Variants in NOVA1 observed in about 807,000 individuals in gnomAD.
NOVA1 encodes the protein NOVA alternative splicing regulator 1.
In NOVA1, 7 loss-of-function variants were observed where a neutral mutation model predicts 38.0. The ratio of observed to expected loss-of-function variants is 0.18; its 90% confidence interval spans 0.10 to 0.35. NOVA1 has a LOEUF of 0.35. Among genes scored for constraint, NOVA1 ranks in the 10% least tolerant of loss-of-function variants. The pLI is 1.00. For synonymous variants in NOVA1, 270 were observed against 232.5 expected, an observed-to-expected ratio of 1.16 and a Z score of -1.47; for missense variants, 460 against 616.0, an observed-to-expected ratio of 0.75 and a Z score of 2.68.
At chr14:26,470,472 T>A in intron 4 of NOVA1, 1 of 1,561,184 alleles carries the variant, frequency 6.4e-7, no homozygotes, top group Non-Finnish European at 8.8e-7. Context: ...CTTCATGATA[T>A]CCAGGAGATA....
intron 4 of NOVA1, among the ~76,000 whole-genome samples, chr14:26,468,106 A>G (rs1304725514): frequency 6.6e-6 from 1 of 152,104 alleles, no homozygotes; most frequent in African/African-American, 2.4e-5. Flanking sequence ...TACTCCTGTG[A>G]TTTGGTTCAA....
At chr14:26,590,985 TTTTTA>T (rs1893809311) in intron 2 of NOVA1, among the ~76,000 whole-genome samples, 1 of 151,722 alleles carries the variant, frequency 6.6e-6, no homozygotes, top group Admixed American at 6.6e-5. Context: ...ACAGCTAAAA[TTTTTA>T]GTGCTAATTC....
At chr14:26,457,236 A>T (rs1883258952) in intron 4 of NOVA1, among the ~76,000 whole-genome samples, 1 of 152,112 alleles carries the variant, frequency 6.6e-6, no homozygotes. Context: ...TTATTGCACA[A>T]TTATTTATTG....
intron 3 of NOVA1, chr14:26,479,582 C>T (rs903130384): frequency 5.5e-6 from 1 of 182,552 alleles, no homozygotes; most frequent in Admixed American, 6.1e-5. Flanking sequence ...AATAACTATC[C>T]TGAAAACTAC....
At chr14:26,577,144 A>G (rs1476967855) in intron 2 of NOVA1, among the ~76,000 whole-genome samples, 5 of 152,032 alleles carry the variant, frequency 3.3e-5, no homozygotes, top group African/African-American at 9.7e-5. Flanking sequence ...TTGGCATAAT[A>G]TACTCCAGAT....
intron 2 of NOVA1, among the ~76,000 whole-genome samples, chr14:26,539,799 CAG>C (rs1338175458): frequency 6.6e-6 from 1 of 151,674 alleles, no homozygotes; most frequent in Non-Finnish European, 1.5e-5. Flanking sequence ...ATATGAATGA[CAG>C]TACTTTTGTA....
chr14:26,458,894 T>G (rs1200737692), intron 4 of NOVA1, among the ~76,000 whole-genome samples: 1 of 152,122 alleles, frequency 6.6e-6, no homozygotes, highest in African/African-American at 2.4e-5. Flanking sequence ...GTTAGTGTTT[T>G]AAGCTAAGTG....
intron 2 of NOVA1, among the ~76,000 whole-genome samples, chr14:26,524,897 T>C (rs1349091417): frequency 6.6e-6 from 1 of 152,200 alleles, no homozygotes; most frequent in Non-Finnish European, 1.5e-5. Context: ...GGTATTACAA[T>C]CTGGGTAGCA....
intron 2 of NOVA1, among the ~76,000 whole-genome samples, chr14:26,555,449 T>A (rs1291400813): frequency 6.6e-6 from 1 of 152,136 alleles, no homozygotes; most frequent in East Asian, 1.9e-4. Context: ...TCACTCATCA[T>A]CCTAAATTAT....
intron 3 of NOVA1, 83 bp downstream of exon 3, chr14:26,479,894 T>C: frequency 1.4e-6 from 2 of 1,430,762 alleles, no homozygotes; most frequent in Non-Finnish European, 1.9e-6. Context: ...AAAAGTTTTA[T>C]GCTAACACTT....
chr14:26,561,013 G>A lies in NOVA1; in HGVS notation c.280+34397C>T, dbSNP rs563954043. ...GGGGGGATGGTTTTGGGATGAAACT[G>A]TTCTACCTCAGAACATCAGGCATTA... On this transcript the variant is annotated intron_variant, in intron 2 of 4. Coordinates refer to ENST00000539517, the MANE Select transcript of NOVA1 (RefSeq NM_002515.3). Among the ~76,000 whole-genome samples, 10 of 152,284 alleles carry A rather than the reference G, an allele frequency of 6.6e-5. No individual in the cohort carries two copies. The East Asian group carries it at 1.9e-3, about 29-fold the overall frequency.
At chr14:26,554,169 A>C (rs971625918) in intron 2 of NOVA1, among the ~76,000 whole-genome samples, 6 of 136,152 alleles carry the variant, frequency 4.4e-5, no homozygotes, top group African/African-American at 1.6e-4. Flanking sequence ...AAGAAAGAAA[A>C]GGAAGAAAAA....
intron 4 of NOVA1, among the ~76,000 whole-genome samples, chr14:26,471,111 C>T (rs985101051): frequency 5.3e-5 from 8 of 151,944 alleles, no homozygotes; most frequent in Non-Finnish European, 1.0e-4. Flanking sequence ...AACCACTTTA[C>T]TGGGCCTAAA....
In NOVA1 at chr14:26,447,958, C is replaced by T. The variant is rs1594307392; in HGVS notation, c.*1G>A. On this transcript the variant is annotated 3_prime_UTR_variant, in exon 5 of 5. Transcript: ENST00000539517. The stretch of plus-strand genomic sequence containing the variant: ...AACAATCTGATGTGTAACTGGGGCA[C>T]TCAACCCACTTTCTGAGGATTGGCA... The T allele has an allele frequency of 3.7e-6, 6 of 1,613,274 alleles. No homozygotes were observed. The highest frequency in any genetic ancestry group is 1.7e-5 in the Admixed American group (1 of 60,006).
chr14:26,567,060 C>T (rs945995515), intron 2 of NOVA1, among the ~76,000 whole-genome samples: 3 of 151,984 alleles, frequency 2.0e-5, no homozygotes, highest in Non-Finnish European at 2.9e-5. Context: ...TCCATAAAAA[C>T]ACTTGCCTTC....
At chr14:26,577,751 T>C (rs1892951969) in intron 2 of NOVA1, among the ~76,000 whole-genome samples, 1 of 152,100 alleles carries the variant, frequency 6.6e-6, no homozygotes, top group South Asian at 2.1e-4. Flanking sequence ...TGAGAGAAGT[T>C]GATCTGAGGG....
At chr14:26,496,141 C>T (rs564365710) in intron 2 of NOVA1, among the ~76,000 whole-genome samples, 3,143 of 150,300 alleles carry the variant, frequency 0.021, 101 homozygotes, top group African/African-American at 0.073. Flanking sequence ...TATTTCTCCA[C>T]ATCCTCTCCA....
chr14:26,505,270 G>A (rs892408732), intron 2 of NOVA1, among the ~76,000 whole-genome samples: 1 of 152,056 alleles, frequency 6.6e-6, no homozygotes, highest in African/African-American at 2.4e-5. Flanking sequence ...ATCTCACCTC[G>A]AATTATAAAC....
chr14:26,528,208 G>T (rs186312182), intron 2 of NOVA1, among the ~76,000 whole-genome samples: 1 of 152,244 alleles, frequency 6.6e-6, no homozygotes, highest in Admixed American at 6.5e-5. Context: ...AAGTAGTAAA[G>T]TACTGGGGTT....
Sources: gnomAD v4.1 joint callset for allele counts (sites outside exome capture counted in the v4.1 genomes callset) on GRCh38, gnomAD v4.1.1 for gene constraint, MANE v1.5 for transcripts, NCBI Gene and HGNC (gene_info 2026-07-23, HGNC 2026-07-21) for gene names.